The following CLEC1B variants were observed in gnomAD, a reference collection of about 807,000 sequenced individuals.
CLEC1B encodes C-type lectin-like receptor 2.
A neutral mutation model predicts 26.7 loss-of-function variants in CLEC1B; 26 were observed. The ratio of observed to expected loss-of-function variants is 0.97; its 90% CI spans 0.71 to 1.35. CLEC1B has a LOEUF of 1.35. Among genes scored for constraint, CLEC1B ranks in the 40% most tolerant of loss-of-function variants. The pLI is 0.00. For missense variants in CLEC1B, 293 were observed against 282.6 expected (o/e 1.04, Z -0.26); for synonymous variants, 112 against 96.0 (o/e 1.17, Z -0.97).
intron 2 of CLEC1B, among the ~76,000 whole-genome samples, 177 bp from the exon 3 acceptor site, chr12:9,997,456 T>G (rs1247597117): frequency 6.6e-6 from 1 of 151,706 alleles, no homozygotes. Context: ...AATTAAGAAA[T>G]ACACAGAACT....
At position 9,998,271 on chromosome 12, in the gene CLEC1B, TC is replaced by T; in HGVS notation, c.163+10del. On this transcript the variant is annotated intron_variant, in intron 2 of 5. Coordinates refer to ENST00000298527, the MANE Select transcript of CLEC1B (RefSeq NM_016509.4). ...TCCTCCAGTCAAATTTCTGGCAGAG[TC>T]AACACTTACACCAAATCCCCAGAGC... is the stretch of plus-strand genomic sequence containing the variant. The T allele has an allele frequency of 6.2e-7, 1 of 1,609,750 alleles. No homozygotes were observed. Among genetic ancestry groups the T allele is most frequent in the Non-Finnish European group, 8.5e-7 (1 of 1,176,622 alleles).
upstream of CLEC1B, chr12:9,999,183 C>T: frequency 2.3e-6 from 2 of 874,668 alleles, no homozygotes; most frequent in Non-Finnish European, 3.8e-6. Context: ...CAGTATCTGT[C>T]AGTTTATGAT....
At position 9,996,913 on chromosome 12, in the gene CLEC1B, TCCCATG is replaced by T; in HGVS notation, c.365_370del (p.Thr122_Glu124delinsLys). The T allele has an allele frequency of 6.2e-7, 1 of 1,614,020 alleles. No homozygotes were observed. The highest frequency in any genetic ancestry group is 1.6e-4 in the Middle Eastern group (1 of 6,062). ...GTCAGTGCAGTACTGCTTACTCTCT[TCCCATG>T]TTAAGTTGTGCCTGAAGAACCCATA... On this transcript the variant is annotated inframe_deletion, in exon 4 of 6. Transcript: ENST00000298527.
chr12:9,996,795 T>G, intron 4 of CLEC1B, 51 bp downstream of exon 4: 1 of 1,591,732 alleles, frequency 6.3e-7, no homozygotes. Context: ...GTGTTACATT[T>G]GAGGTTTCTC....
chr12:9,994,521 A>C (rs1421343534), intron 5 of CLEC1B, among the ~76,000 whole-genome samples: 1 of 152,154 alleles, frequency 6.6e-6, no homozygotes, highest in Non-Finnish European at 1.5e-5. Flanking sequence ...TGAACAAAAG[A>C]TGTTGAGACT....
In CLEC1B at chr12:9,998,297, C is replaced by A. The variant is rs1865100451; in HGVS notation, c.148G>T (p.Ala50Ser). The A allele has an allele frequency of 1.2e-5, 20 of 1,613,850 alleles. No homozygotes were observed. Among genetic ancestry groups the A allele is most frequent in the Non-Finnish European group, 1.6e-5 (19 of 1,179,936 alleles). Residue 50 changes from alanine (A) to serine (S), a missense_variant, in exon 2 of 6, where the codon GCT becomes TCT. By Grantham distance (99) the Ala-to-Ser change is moderately conservative. Transcript: ENST00000298527. ...CAACACTTACACCAAATCCCCAGAG[C>A]CACCAGCCCGACAACCATCCCCACG... ...LCVGMVVGLV[A>S]LGIWSVMQRN...
upstream of CLEC1B, among the ~76,000 whole-genome samples, chr12:10,000,605 A>C (rs760378672): frequency 1.3e-5 from 2 of 152,230 alleles, no homozygotes; most frequent in African/African-American, 4.8e-5. Context: ...TTCTTATCTC[A>C]GTTAAAATAT....
rs775288758 is a variant in CLEC1B, at chr12:9,995,053, T to C, written c.545+87A>G. ...ACCCAGCTGCTGCTTCTATAACCCA[T>C]AGTAGTGACTTGGACTGAGAGAAGA... On this transcript the variant is annotated intron_variant, in intron 5 of 5. Transcript: ENST00000298527. 5 of 1,591,582 alleles carry C rather than the reference T, an allele frequency of 3.1e-6. No homozygotes were observed. The African/African-American group carries it at 4.0e-5, about 13-fold the overall frequency.
At chr12:9,997,881 AG>A (rs1472004904) in intron 2 of CLEC1B, among the ~76,000 whole-genome samples, 3 of 152,208 alleles carry the variant, frequency 2.0e-5, no homozygotes, top group Non-Finnish European at 4.4e-5. Flanking sequence ...AGAAAATTTT[AG>A]GTAGAGAGAA....
chr12:9,995,820 A>G lies in CLEC1B; in HGVS notation c.439-574T>C, dbSNP rs576891580. 1.8e-5 allele frequency: 3 copies of G among 164,770 alleles called. No homozygotes were observed. In the East Asian group the frequency reaches 5.4e-4, roughly 29 times the overall value. 10.2% of individuals were successfully genotyped at this position (164,770 alleles called of 1,614,324 possible). On this transcript the variant is annotated intron_variant, in intron 4 of 5. Coordinates refer to ENST00000298527, the MANE Select transcript of CLEC1B (RefSeq NM_016509.4). ...ATTAGCAATTATCACTATCTACTAAACTATATACTATATCATTTGCTTTGT... is the reference window on the plus strand; with the variant it reads ...ATTAGCAATTATCACTATCTACTAAGCTATATACTATATCATTTGCTTTGT...
At chr12:9,997,378 T>A (rs1591852212) in intron 2 of CLEC1B, 99 bp from the exon 3 acceptor site, 4 of 1,084,384 alleles carry the variant, frequency 3.7e-6, no homozygotes, top group East Asian at 2.6e-5. Context: ...TTTGCCAATA[T>A]ATGAGGAGTT....
chr12:9,995,659 G>T, intron 4 of CLEC1B: 1 of 223,808 alleles, frequency 4.5e-6, no homozygotes, highest in South Asian at 5.7e-5. Context: ...TGGTTTTATT[G>T]CTCAGCTTGC....
intron 5 of CLEC1B, 177 bp downstream of exon 5, chr12:9,994,963 A>G (rs1864999814): frequency 6.7e-7 from 1 of 1,482,346 alleles, no homozygotes; most frequent in East Asian, 2.7e-5. Context: ...GAGCAAAGTA[A>G]TGGGAGAGAG....
upstream of CLEC1B, among the ~76,000 whole-genome samples, chr12:10,000,066 C>T (rs1203592239): frequency 6.6e-6 from 1 of 152,170 alleles, no homozygotes; most frequent in Admixed American, 6.5e-5. Context: ...AGGATGTTGT[C>T]TATTTTGCCA....
chr12:9,993,963 G>A (rs1864964271), intron 5 of CLEC1B, among the ~76,000 whole-genome samples: 2 of 151,986 alleles, frequency 1.3e-5, no homozygotes, highest in South Asian at 4.2e-4. Flanking sequence ...TCTTGTTGGG[G>A]AACTTTCATT....
At chr12:9,998,954 A>G (rs976795877) in intron 1 of CLEC1B, 83 bp downstream of exon 1, 1 of 807,832 alleles carries the variant, frequency 1.2e-6, no homozygotes, top group Admixed American at 2.1e-5. Context: ...AACTATATAT[A>G]TTATCAATAG....
chr12:9,997,176 TTC>T lies in CLEC1B; in HGVS notation c.265_266del (p.Glu89ThrfsTer9). Reference protein sequence around the residue: ...RFCQYVVKQSELKGTFKGHKC... With the variant: ...RFCQYVVKQSXLKGTFKGHKC... The stretch of plus-strand genomic sequence containing the variant: ...AATACTTACTGAAAGTGCCCTTTAG[TTC>T]TGATTGTTTTACCACATATTGACAG... On this transcript the variant is annotated frameshift_variant, in exon 3 of 6. Coordinates refer to ENST00000298527, the MANE Select transcript of CLEC1B (RefSeq NM_016509.4). LOFTEE classifies it high-confidence loss of function. 6.2e-7 allele frequency: 1 copy of T among 1,614,046 alleles called. No individual in the cohort carries two copies. The highest frequency in any genetic ancestry group is 8.5e-7 in the Non-Finnish European group (1 of 1,179,980).
chr12:9,995,628 G>C (rs1865025562), intron 4 of CLEC1B: 1 of 282,468 alleles, frequency 3.5e-6, no homozygotes, highest in Non-Finnish European at 6.9e-6. Context: ...ATATTCCTTA[G>C]AGTTAAAGCC....
chr12:9,999,439 C>T (rs1228835752), upstream of CLEC1B: 1 of 189,862 alleles, frequency 5.3e-6, no homozygotes, highest in Non-Finnish European at 1.1e-5. Flanking sequence ...AACAAAAGTT[C>T]ATGCTTTATC....
Sources: gnomAD v4.1 joint callset for allele counts (sites outside exome capture counted in the v4.1 genomes callset) on GRCh38, gnomAD v4.1.1 for gene constraint, MANE v1.5 for transcripts, NCBI Gene and HGNC (gene_info 2026-07-23, HGNC 2026-07-21) for gene names.